Variants in ADCY1 observed in about 807,000 individuals in gnomAD.
ADCY1 encodes the protein adenylate cyclase type 1.
ADCY1 carries 28 observed loss-of-function variants against 105.4 expected under a neutral mutation model. The observed-to-expected ratio is 0.27, with a 90% CI of 0.20 to 0.36. The LOEUF is 0.36. ADCY1 is among the 10% of genes least tolerant of loss of function. The pLI is 1.00. For missense variants in ADCY1, 977 were observed against 1,434.2 expected (o/e 0.68, Z 5.15); for synonymous variants, 655 against 623.8 (o/e 1.05, Z -0.75).
chr7:45,673,074 C>T (rs1784394168), intron 8 of ADCY1, among the ~76,000 whole-genome samples: 2 of 152,178 alleles, frequency 1.3e-5, no homozygotes, highest in South Asian at 4.1e-4. Flanking sequence ...CCTCTTTAAC[C>T]AGTTCATCTG....
At chr7:45,668,035 T>C (rs1011986752) in intron 8 of ADCY1, among the ~76,000 whole-genome samples, 20 of 152,304 alleles carry the variant, frequency 1.3e-4, no homozygotes, top group East Asian at 3.9e-4. Flanking sequence ...TGGGCTGAGA[T>C]GATGGGGTTT....
In ADCY1 at chr7:45,598,787, T is replaced by C. The variant is rs368956791; in HGVS notation, c.789+5879T>C. On this transcript the variant is annotated intron_variant, in intron 2 of 19. Transcript: ENST00000297323. ...CTTCAAGGAAAACGCGATTGCAATT[T>C]GATCAGTCACAGCATAGAAAGCTCG... Among the ~76,000 whole-genome samples, 5 of 152,354 alleles carry C rather than the reference T, an allele frequency of 3.3e-5. No homozygotes were observed. The South Asian group carries it at 6.2e-4, about 19-fold the overall frequency.
chr7:45,593,763 T>C (rs914290033), intron 2 of ADCY1, among the ~76,000 whole-genome samples: 1 of 152,256 alleles, frequency 6.6e-6, no homozygotes, highest in African/African-American at 2.4e-5. Context: ...TTATACCAAA[T>C]ATAAATGTAA....
At chr7:45,610,769 A>AAGGTGAGGAGGTGATGATGGAGGG (rs1793527993) in intron 3 of ADCY1, among the ~76,000 whole-genome samples, 4,359 of 21,568 alleles carry the variant, frequency 0.2, 455 homozygotes, top group African/African-American at 0.22. Flanking sequence ...TAGAGGTGAT[A>AAGGTGAGGAGGTGATGATGGAGGG]GTGGAGGTGT....
intron 1 of ADCY1, among the ~76,000 whole-genome samples, chr7:45,578,692 C>T (rs1792424236): frequency 6.6e-6 from 1 of 152,210 alleles, no homozygotes; most frequent in Non-Finnish European, 1.5e-5. Context: ...CCCAGTCCTT[C>T]CCACAGGAGT....
intron 1 of ADCY1, among the ~76,000 whole-genome samples, chr7:45,583,106 C>T (rs548361381): frequency 6.6e-6 from 1 of 152,208 alleles, no homozygotes; most frequent in South Asian, 2.1e-4. Flanking sequence ...GGTGGGGCCT[C>T]TGTATGGGCA....
chr7:45,583,378 C>T (rs1368704112), intron 1 of ADCY1, among the ~76,000 whole-genome samples: 1 of 152,218 alleles, frequency 6.6e-6, no homozygotes, highest in African/African-American at 2.4e-5. Flanking sequence ...GGGAGCCCTG[C>T]ACTACAGCCT....
chr7:45,586,003 G>A (rs943731280), intron 1 of ADCY1, among the ~76,000 whole-genome samples: 1 of 152,090 alleles, frequency 6.6e-6, no homozygotes, highest in Non-Finnish European at 1.5e-5. Context: ...CGTGGGGAGC[G>A]GACTGTCTTT....
At chr7:45,616,715 A>G (rs1357749548) in intron 3 of ADCY1, among the ~76,000 whole-genome samples, 4 of 152,364 alleles carry the variant, frequency 2.6e-5, no homozygotes, top group South Asian at 2.1e-4. Context: ...ATCATACTCA[A>G]TGATGAAAAA....
At chr7:45,659,935 T>C in intron 6 of ADCY1, 107 bp from the exon 7 acceptor site, 1 of 1,404,476 alleles carries the variant, frequency 7.1e-7, no homozygotes, top group Non-Finnish European at 9.8e-7. Context: ...GAGCCTGCCC[T>C]GGTGTGGGGA....
chr7:45,610,767 ATAGTGGAGGTGTGGG>A (rs1793527675), intron 3 of ADCY1, among the ~76,000 whole-genome samples: 18 of 132,128 alleles, frequency 1.4e-4, no homozygotes, highest in South Asian at 2.7e-4. Context: ...TGTAGAGGTG[ATAGTGGAGGTGTGGG>A]GGTGATGGTG....
chr7:45,602,238 G>C (rs1793259218), intron 2 of ADCY1, among the ~76,000 whole-genome samples: 1 of 151,882 alleles, frequency 6.6e-6, no homozygotes, highest in East Asian at 2.0e-4. Flanking sequence ...GGGTGGTGAA[G>C]ACCACTTGGG....
intron 1 of ADCY1, among the ~76,000 whole-genome samples, chr7:45,592,151 G>C (rs1792936818): frequency 6.6e-6 from 1 of 151,914 alleles, no homozygotes; most frequent in Non-Finnish European, 1.5e-5. Context: ...TATTCTCCAG[G>C]GGTCTTGGTT....
rs781776242 is a variant in ADCY1 at position 45,574,934 on chromosome 7, C to T, written c.391C>T (p.Leu131Phe). Residue 131 changes from leucine to phenylalanine, a missense_variant, in exon 1 of 20, where the codon CTC becomes TTC. Leu to Phe is a conservative substitution (Grantham distance 22). Around this residue, in one of 7 missense-constraint regions of ADCY1, gnomAD observed 209 missense variants for 222.5 expected, o/e 0.94. Coordinates refer to ENST00000297323, the MANE Select transcript of ADCY1 (RefSeq NM_021116.4). The surrounding 1 kb of genome is among the most constrained non-coding windows in gnomAD (Gnocchi z 7.0). ...QVGQLALLFS[L>F]TFALLCCPFA... ...CGGCCAGCTGGCGCTGCTCTTCAGC[C>T]TCACCTTCGCGCTGCTCTGCTGTCC... is the stretch of plus-strand genomic sequence containing the variant. 2 of 1,612,010 alleles carry T rather than the reference C, an allele frequency of 1.2e-6. No individual in the cohort carries two copies. Among genetic ancestry groups the T allele is most frequent in the South Asian group, 1.1e-5 (1 of 91,074 alleles).
chr7:45,703,509 C>A lies in ADCY1; in HGVS notation c.2571+17C>A, dbSNP rs749731740. 3.1e-6 allele frequency: 5 copies of A among 1,613,834 alleles called. No individual in the cohort carries two copies. Among genetic ancestry groups the A allele is most frequent in the Non-Finnish European group, 3.4e-6 (4 of 1,179,946 alleles). ...CGGAACATGGTGAGCACCCAGCCTG[C>A]TCCTGGCCAGCACTAGCCCTACACT... On this transcript the variant is annotated intron_variant, in intron 15 of 19. Coordinates refer to ENST00000297323, the MANE Select transcript of ADCY1 (RefSeq NM_021116.4). The surrounding 1 kb of genome is among the most constrained non-coding windows in gnomAD (Gnocchi z 5.9).
At chr7:45,599,768 G>A (rs1793175460) in intron 2 of ADCY1, among the ~76,000 whole-genome samples, 4 of 151,850 alleles carry the variant, frequency 2.6e-5, no homozygotes, top group Admixed American at 2.6e-4. Flanking sequence ...CTGGAATTAC[G>A]GGCATGTGCC....
At chr7:45,608,912 C>T (rs959257268) in intron 2 of ADCY1, among the ~76,000 whole-genome samples, 1 of 152,174 alleles carries the variant, frequency 6.6e-6, no homozygotes, top group Non-Finnish European at 1.5e-5. Context: ...CTCCAGGCCA[C>T]AGACTCCGGT....
chr7:45,680,069 G>A (rs1562720798), intron 11 of ADCY1, among the ~76,000 whole-genome samples: 1 of 152,240 alleles, frequency 6.6e-6, no homozygotes, highest in Admixed American at 6.5e-5. Flanking sequence ...CAGGAAGAAA[G>A]AGTCTGCTCA....
chr7:45,663,818 C>CA (rs200786032), intron 8 of ADCY1, among the ~76,000 whole-genome samples: 5,519 of 132,666 alleles, frequency 0.042, 170 homozygotes, highest in South Asian at 0.11. Context: ...GACGGTGTCT[C>CA]AAAAAAAAAA....
Sources: gnomAD v4.1 joint callset for allele counts (sites outside exome capture counted in the v4.1 genomes callset) on GRCh38, gnomAD v4.1.1 for gene constraint, gnomAD v4.1.1 regional missense constraint, Gnocchi (gnomAD v3.1) non-coding constraint, MANE v1.5 for transcripts, NCBI Gene and HGNC (gene_info 2026-07-23, HGNC 2026-07-21) for gene names.